The following RAB6B variants were observed in gnomAD, a reference collection of about 807,000 sequenced individuals.
RAB6B encodes ras-related protein Rab-6B.
Under a neutral mutation model 31.2 loss-of-function variants are expected in RAB6B, and 7 were observed. That is an observed-to-expected ratio of 0.22 (90% confidence interval 0.13 to 0.42). RAB6B has a LOEUF of 0.42. Ranked by LOEUF, RAB6B falls within the 10% of genes least tolerant of loss-of-function variation. The pLI is 1.00. For synonymous variants in RAB6B, 105 were observed against 104.9 expected (o/e 1.00, Z -0.01); for missense variants, 149 against 280.6 (o/e 0.53, Z 3.35).
At chr3:133,859,969 CCG>C (rs1478364579) in intron 2 of RAB6B, among the ~76,000 whole-genome samples, 1 of 152,132 alleles carries the variant, frequency 6.6e-6, no homozygotes. Context: ...AGAAAGGATC[CCG>C]GGGGAAATGG....
intron 2 of RAB6B, among the ~76,000 whole-genome samples, chr3:133,861,903 T>C (rs948727655): frequency 2.0e-5 from 3 of 152,076 alleles, no homozygotes; most frequent in African/African-American, 7.2e-5. Context: ...GGGGCACAAC[T>C]TGGGGTGAGG....
At chr3:133,828,987 G>T in intron 7 of RAB6B, 135 bp from the exon 8 acceptor site, 1 of 823,058 alleles carries the variant, frequency 1.2e-6, no homozygotes, top group Non-Finnish European at 1.8e-6. Context: ...GTTTGGCTGG[G>T]CTAGGAAGGA....
chr3:133,866,924 C>G (rs143784854), intron 1 of RAB6B, among the ~76,000 whole-genome samples: 1 of 152,388 alleles, frequency 6.6e-6, no homozygotes, highest in East Asian at 1.9e-4. Context: ...GGGAAAGGTG[C>G]ATGCATCAGG....
intron 7 of RAB6B, among the ~76,000 whole-genome samples, chr3:133,832,363 C>T (rs1042818212): frequency 3.3e-5 from 5 of 152,004 alleles, no homozygotes; most frequent in African/African-American, 1.2e-4. Flanking sequence ...CTGTCTCGAA[C>T]GTGAAGAAGA....
At chr3:133,874,219 C>T (rs745808230) in intron 1 of RAB6B, among the ~76,000 whole-genome samples, 7 of 152,188 alleles carry the variant, frequency 4.6e-5, no homozygotes, top group Admixed American at 1.3e-4. Flanking sequence ...TATCTATAGT[C>T]ATGCTTTGCT....
Position 133,824,374 on chromosome 3 carries a change from C to A in RAB6B, c.*4414G>T, listed in dbSNP as rs962510837. ...AGATGGAATTGCCACCCTCTGTGCT[C>A]CTCACAGCCAATCACTTTAAAGGGA... On this transcript the variant is annotated 3_prime_UTR_variant, in exon 8 of 8. Coordinates refer to ENST00000285208, the MANE Select transcript of RAB6B (RefSeq NM_016577.4). 1.3e-5 allele frequency: 2 copies of A among 152,220 alleles called. No individual in the cohort carries two copies. Among genetic ancestry groups the A allele is most frequent in the African/African-American group, 4.8e-5 (2 of 41,444 alleles). 9.4% of individuals were successfully genotyped at this position (152,220 alleles called of 1,614,324 possible).
intron 1 of RAB6B, among the ~76,000 whole-genome samples, chr3:133,889,843 C>A (rs998297644): frequency 6.6e-6 from 1 of 152,174 alleles, no homozygotes; most frequent in Non-Finnish European, 1.5e-5. Flanking sequence ...ATTACATCTA[C>A]GCAGCCAGAA....
rs1445718102 is a variant in RAB6B, at chr3:133,895,692, G to A, written c.-226C>T. On this transcript the variant is annotated 5_prime_UTR_variant, in exon 1 of 8. Transcript: ENST00000285208. Reference sequence around the variant, plus strand: ...GAGAGGCGGAGGCGGAGGAAGGCTGGGGCTGGGCTGCTGCGGTCGGCACTG... The same window carrying A: ...GAGAGGCGGAGGCGGAGGAAGGCTGAGGCTGGGCTGCTGCGGTCGGCACTG... 3.5e-6 allele frequency: 2 copies of A among 570,530 alleles called. No homozygotes were observed. Among genetic ancestry groups the A allele is most frequent in the South Asian group, 2.2e-5 (1 of 45,386 alleles). 35.3% of individuals were successfully genotyped at this position (570,530 alleles called of 1,614,324 possible).
Position 133,828,707 on chromosome 3 carries a change from C to T in RAB6B, c.*81G>A. The T allele has an allele frequency of 1.4e-6, 2 of 1,439,154 alleles. No individual in the cohort carries two copies. The highest frequency in any genetic ancestry group is 2.3e-5 in the South Asian group (2 of 87,458). The allele number at this position is 1,439,154 out of a possible 1,614,324, so 89.1% of individuals were successfully genotyped here. A position where few individuals can be genotyped will look rare whatever the true frequency, so the allele number is the denominator to read the frequency against. ...TCCTCCCATCTTGATAACTCGGTTC[C>T]CTCCCCCCTTAGGAAGCTAGCCAAT... On this transcript the variant is annotated 3_prime_UTR_variant, in exon 8 of 8. Coordinates refer to ENST00000285208, the MANE Select transcript of RAB6B (RefSeq NM_016577.4).
At chr3:133,862,020 G>C (rs1936167533) in intron 2 of RAB6B, among the ~76,000 whole-genome samples, 1 of 152,008 alleles carries the variant, frequency 6.6e-6, no homozygotes, top group Non-Finnish European at 1.5e-5. Context: ...TCCATCTCCA[G>C]AGAATTCATT....
At chr3:133,884,416 C>T (rs144732290) in intron 1 of RAB6B, among the ~76,000 whole-genome samples, 1 of 152,210 alleles carries the variant, frequency 6.6e-6, no homozygotes, top group Admixed American at 6.5e-5. Flanking sequence ...TCAGCCTTAG[C>T]TTTTTGTGCA....
In RAB6B at chr3:133,863,668, C is replaced by G. The variant is rs114092770; in HGVS notation, c.129+916G>C. On this transcript the variant is annotated intron_variant, in intron 2 of 7. Transcript: ENST00000285208. Reference sequence around the variant, plus strand: ...TCACCCAGTGTTCCCTAAATCTGTACAAGCTCTGAACCCACCACCCCCTAC... The same window carrying G: ...TCACCCAGTGTTCCCTAAATCTGTAGAAGCTCTGAACCCACCACCCCCTAC... Among the ~76,000 whole-genome samples, 400 of 152,196 alleles carry G rather than the reference C, an allele frequency of 2.6e-3. 5 individuals carry two copies. Among genetic ancestry groups the G allele is most frequent in the African/African-American group, 9.0e-3 (375 of 41,546 alleles).
Position 133,827,760 on chromosome 3 carries a change from C to G in RAB6B, c.*1028G>C, listed in dbSNP as rs1253554673. On this transcript the variant is annotated 3_prime_UTR_variant, in exon 8 of 8. Coordinates refer to ENST00000285208, the MANE Select transcript of RAB6B (RefSeq NM_016577.4). ...CTGCAGACAACACCCCCCCCCCCCC[C>G]CGCCTCCCCATCACAGAGGATCAAC... 6 of 97,432 alleles carry G rather than the reference C, an allele frequency of 6.2e-5. No homozygotes were observed. Among genetic ancestry groups the G allele is most frequent in the Non-Finnish European group, 2.3e-5 (1 of 42,706 alleles). 6.0% of individuals were successfully genotyped at this position (97,432 alleles called of 1,614,324 possible).
intron 1 of RAB6B, among the ~76,000 whole-genome samples, chr3:133,866,234 CCCT>C (rs1311510057): frequency 6.6e-6 from 1 of 152,172 alleles, no homozygotes; most frequent in Non-Finnish European, 1.5e-5. Context: ...CCACCCCCAG[CCCT>C]CAACTCTGGG....
chr3:133,835,976 C>G (rs1935728567), intron 6 of RAB6B, among the ~76,000 whole-genome samples: 2 of 152,348 alleles, frequency 1.3e-5, no homozygotes, highest in Non-Finnish European at 1.5e-5. Flanking sequence ...AAAGGACTAA[C>G]CCAGGAGCAC....
At chr3:133,862,781 G>C (rs535372331) in intron 2 of RAB6B, among the ~76,000 whole-genome samples, 2 of 152,242 alleles carry the variant, frequency 1.3e-5, no homozygotes, top group East Asian at 1.9e-4. Context: ...CATACTAATG[G>C]GACCCACTGC....
chr3:133,892,341 C>G (rs991157821), intron 1 of RAB6B, among the ~76,000 whole-genome samples: 7 of 152,188 alleles, frequency 4.6e-5, no homozygotes, highest in Admixed American at 4.6e-4. Flanking sequence ...ACACTGTCAG[C>G]CAGCCTATAT....
rs1935545498 is a variant in RAB6B at position 133,825,447 on chromosome 3, TG to T, written c.*3340del. The T allele has an allele frequency of 6.6e-6, 1 of 152,174 alleles. No individual in the cohort carries two copies. The highest frequency in any genetic ancestry group is 1.5e-5 in the Non-Finnish European group (1 of 68,034). The allele number at this position is 152,174 out of a possible 1,614,324, so 9.4% of individuals were successfully genotyped here. A position where few individuals can be genotyped will look rare whatever the true frequency, so the allele number is the denominator to read the frequency against. ...CCTCAGACCTGGGAACATGACTGAATGTTTAAGGATGACAAGAAGAGAGCAG... is the reference window on the plus strand; with the variant it reads ...CCTCAGACCTGGGAACATGACTGAATTTTAAGGATGACAAGAAGAGAGCAG... On this transcript the variant is annotated 3_prime_UTR_variant, in exon 8 of 8. Transcript: ENST00000285208.
rs540291542 is a variant in RAB6B, at chr3:133,873,207, C to A, written c.71-8565G>T. Among the ~76,000 whole-genome samples, 9 of 152,348 alleles carry A rather than the reference C, an allele frequency of 5.9e-5. No homozygotes were observed. The East Asian group carries it at 1.7e-3, about 29-fold the overall frequency. On this transcript the variant is annotated intron_variant, in intron 1 of 7. Coordinates refer to ENST00000285208, the MANE Select transcript of RAB6B (RefSeq NM_016577.4). ...GAAAAAGGAAAGGCAAAATAAAGGT[C>A]CCTTGTCATCACGAAAACTAAGATT...
Sources: allele counts gnomAD v4.1 joint callset (sites outside exome capture counted in the v4.1 genomes callset), GRCh38; gene constraint gnomAD v4.1.1; transcripts MANE v1.5; gene names NCBI Gene and HGNC (gene_info 2026-07-23, HGNC 2026-07-21).